CD109: variants seen among roughly 807,000 people sequenced by gnomAD.
CD109 encodes the protein CD109 antigen.
In CD109, 149 loss-of-function variants were observed where a neutral mutation model predicts 165.8. That is an observed-to-expected ratio of 0.90 (90% CI 0.79 to 1.03). CD109 has a LOEUF of 1.03. Ranked by LOEUF, CD109 falls within the 50% of genes least tolerant of loss-of-function variation. The probability of loss-of-function intolerance (pLI) is 0.00; values close to 1 mark genes in which losing one functional copy is unlikely to be tolerated. For synonymous variants in CD109, 585 were observed against 592.1 expected (o/e 0.99, Z 0.18); for missense variants, 1,712 against 1,677.8 (o/e 1.02, Z -0.36).
rs759892671 is a variant in CD109 at position 73,723,068 on chromosome 6, G to C, written c.248-183G>C. 63 of 913,924 alleles carry C rather than the reference G, an allele frequency of 6.9e-5. 1 individual carries two copies. The highest frequency in any genetic ancestry group is 8.1e-5 in the Non-Finnish European group (62 of 764,672). 56.6% of individuals were successfully genotyped at this position (913,924 alleles called of 1,614,324 possible). ...TTTTAATCCTGATTTTTAATTGTTTGGCACAAAGATATGTAATAATTTCTT... is the reference window on the plus strand; with the variant it reads ...TTTTAATCCTGATTTTTAATTGTTTCGCACAAAGATATGTAATAATTTCTT... On this transcript the variant is annotated intron_variant, in intron 2 of 32. Coordinates refer to ENST00000287097, the MANE Select transcript of CD109 (RefSeq NM_133493.5).
the CD109 span, among the ~76,000 whole-genome samples, chr6:73,684,755 G>C: frequency 6.6e-6 from 1 of 151,978 alleles, no homozygotes; most frequent in Non-Finnish European, 1.5e-5. Flanking sequence ...TACAATCATA[G>C]CTCACGGTAA....
intron 4 of CD109, among the ~76,000 whole-genome samples, chr6:73,735,673 T>C (rs959522403): frequency 3.3e-5 from 5 of 152,144 alleles, no homozygotes; most frequent in African/African-American, 1.2e-4. Flanking sequence ...CTAATATGCT[T>C]TTGTTGAGTT....
chr6:73,812,272 T>A lies in CD109; in HGVS notation c.3768+2T>A. On this transcript the variant is annotated splice_donor_variant, in intron 29 of 32. Transcript: ENST00000287097. LOFTEE classifies it high-confidence loss of function. ...GGTTTTGGATTTGCTATTTGTCAGG[T>A]ATGTAACGATGCTTATTTTTTTAAG... The A allele has an allele frequency of 1.3e-6, 2 of 1,587,554 alleles. No individual in the cohort carries two copies. The highest frequency in any genetic ancestry group is 1.7e-6 in the Non-Finnish European group (2 of 1,159,496).
intron 22 of CD109, among the ~76,000 whole-genome samples, chr6:73,792,270 T>C (rs1032660779): frequency 6.6e-6 from 1 of 152,224 alleles, no homozygotes; most frequent in Non-Finnish European, 1.5e-5. Context: ...TGAAGAATAC[T>C]ACTAATAAAA....
intron 23 of CD109, among the ~76,000 whole-genome samples, chr6:73,798,065 T>C (rs1202824917): frequency 6.6e-6 from 1 of 152,096 alleles, no homozygotes; most frequent in East Asian, 1.9e-4. Flanking sequence ...GAAGGCTGAG[T>C]TGTTGTATTA....
chr6:73,765,905 T>C (rs1375911759), intron 10 of CD109, 25 bp from the exon 11 acceptor site: 2 of 1,502,656 alleles, frequency 1.3e-6, no homozygotes, highest in African/African-American at 2.8e-5. Context: ...TTTGTGTTTT[T>C]AAGATGTTTT....
rs386407559 is a variant in CD109, at chr6:73,725,504, C to CTTTTTTTTTTTTT, written c.276+2234_276+2246dup. On this transcript the variant is annotated intron_variant, in intron 3 of 32. Coordinates refer to ENST00000287097, the MANE Select transcript of CD109 (RefSeq NM_133493.5). The stretch of plus-strand genomic sequence containing the variant: ...AACTAGAAATTTGTCTACTACACTT[C>CTTTTTTTTTTTTT]TTTTTTTTTTTTTTTTTTTTTGAGA... Among the ~76,000 whole-genome samples the CTTTTTTTTTTTTT allele has an allele frequency of 1.5e-3, 133 of 89,390 alleles. 6 individuals carry two copies. The highest frequency in any genetic ancestry group is 2.3e-3 in the African/African-American group (47 of 20,768). The allele number at this position is 89,390 out of a possible 152,430, so 58.6% of individuals were successfully genotyped here.
At chr6:73,682,733 G>A in the CD109 span, among the ~76,000 whole-genome samples, 2 of 152,242 alleles carry the variant, frequency 1.3e-5, no homozygotes, top group Non-Finnish European at 2.9e-5. Context: ...GCAAACTTCT[G>A]CCTGGGCATC....
intron 5 of CD109, among the ~76,000 whole-genome samples, chr6:73,749,456 G>A (rs1208900980): frequency 1.3e-5 from 2 of 152,176 alleles, no homozygotes; most frequent in East Asian, 1.9e-4. Context: ...TGGCTGGCAT[G>A]GAGGGCTTGT....
chr6:73,687,393 TCTC>T, the CD109 span, among the ~76,000 whole-genome samples: 2 of 150,964 alleles, frequency 1.3e-5, no homozygotes, highest in Non-Finnish European at 3.0e-5. Flanking sequence ...TTCTCCTCTC[TCTC>T]CTTCCTTCCT....
intron 1 of CD109, among the ~76,000 whole-genome samples, chr6:73,696,919 A>C (rs1488054091): frequency 1.3e-5 from 2 of 152,222 alleles, no homozygotes; most frequent in Non-Finnish European, 2.9e-5. Context: ...GTATTGGTTA[A>C]ATAATTTTTT....
At chr6:73,789,459 AT>A (rs146968538) in intron 22 of CD109, among the ~76,000 whole-genome samples, 57,534 of 147,538 alleles carry the variant, frequency 0.39, 11,196 homozygotes, top group African/African-American at 0.47. Flanking sequence ...CTGTCTGAGC[AT>A]TTTTTTTTTT....
chr6:73,745,921 G>A (rs536100944), intron 5 of CD109, among the ~76,000 whole-genome samples: 1 of 152,176 alleles, frequency 6.6e-6, no homozygotes, highest in East Asian at 1.9e-4. Context: ...GTAGAGACAA[G>A]GTTTCGCCAC....
intron 5 of CD109, among the ~76,000 whole-genome samples, chr6:73,750,817 C>T (rs182710290): frequency 1.3e-5 from 2 of 152,258 alleles, no homozygotes; most frequent in African/African-American, 4.8e-5. Context: ...TAAAAAAGCA[C>T]ATTATTTTTG....
intron 3 of CD109, among the ~76,000 whole-genome samples, chr6:73,727,102 A>G (rs6923034): frequency 0.29 from 44,488 of 152,012 alleles, 6,659 homozygotes; most frequent in Admixed American, 0.35. Context: ...CATAGTGTCC[A>G]CTCTGCTGTG....
At chr6:73,801,154 G>C (rs1018486081) in intron 23 of CD109, among the ~76,000 whole-genome samples, 4 of 152,196 alleles carry the variant, frequency 2.6e-5, no homozygotes, top group African/African-American at 9.7e-5. Context: ...GATTTACTAG[G>C]AGACAGTGGC....
rs1216267219 is a variant in CD109 at position 73,701,536 on chromosome 6, A to G, written c.247+3964A>G. On this transcript the variant is annotated intron_variant, in intron 2 of 32. Coordinates refer to ENST00000287097, the MANE Select transcript of CD109 (RefSeq NM_133493.5). ...AAGGAGTTCCTTGCCAAATCAAGAA[A>G]AAAGAAATTAAGAACATTTTGAGAA... is the stretch of plus-strand genomic sequence containing the variant. Among the ~76,000 whole-genome samples, 14 of 152,310 alleles carry G rather than the reference A, an allele frequency of 9.2e-5. No individual in the cohort carries two copies. In the South Asian group the frequency reaches 2.9e-3, roughly 32 times the overall value.
intron 2 of CD109, among the ~76,000 whole-genome samples, chr6:73,710,572 T>A (rs1471690950): frequency 6.6e-6 from 1 of 152,150 alleles, no homozygotes; most frequent in Non-Finnish European, 1.5e-5. Context: ...ATCACAATGC[T>A]TGGTACATAG....
At chr6:73,748,888 A>T (rs141395745) in intron 5 of CD109, among the ~76,000 whole-genome samples, 87 of 152,236 alleles carry the variant, frequency 5.7e-4, no homozygotes, top group African/African-American at 2.0e-3. Context: ...TCTAAGTAGG[A>T]CAGTGTACAT....
Sources: allele counts gnomAD v4.1 joint callset (sites outside exome capture counted in the v4.1 genomes callset), GRCh38; gene constraint gnomAD v4.1.1; transcripts MANE v1.5; gene names NCBI Gene and HGNC (gene_info 2026-07-23, HGNC 2026-07-21).